SEPTIN11: variants seen among roughly 807,000 people sequenced by gnomAD.
The protein encoded by SEPTIN11 is septin 11.
In SEPTIN11, 25 loss-of-function variants were observed where a neutral mutation model predicts 51.4. The ratio of observed to expected loss-of-function variants is 0.49; its 90% CI spans 0.35 to 0.68. The LOEUF (loss-of-function observed/expected upper bound fraction) is 0.68, where lower values mean the gene tolerates loss of function less well. SEPTIN11 is among the 30% of genes least tolerant of loss of function. The pLI is 0.00. For synonymous variants in SEPTIN11, 174 were observed against 184.1 expected, an observed-to-expected ratio of 0.95 and a Z score of 0.44; for missense variants, 381 against 520.8, an observed-to-expected ratio of 0.73 and a Z score of 2.61.
Position 77,034,477 on chromosome 4 carries a change from TTTTG to T in SEPTIN11, c.1275-16_1275-13del, listed in dbSNP as rs1726892580. On this transcript the variant is annotated splice_polypyrimidine_tract_variant and intron_variant, in intron 9 of 9. Transcript: ENST00000264893. ...TTTATTATTATTTCTAACTTTTTTG[TTTTG>T]TTTTTTAACTTGCAGTGCAAGCTTC... 6.6e-7 allele frequency: 1 copy of T among 1,524,434 alleles called. No individual in the cohort carries two copies. The highest frequency in any genetic ancestry group is 2.2e-5 in the Admixed American group (1 of 44,932). 94.4% of individuals were successfully genotyped at this position (1,524,434 alleles called of 1,614,324 possible). A position where few individuals can be genotyped will look rare whatever the true frequency, so the allele number is the denominator to read the frequency against.
intron 2 of SEPTIN11, among the ~76,000 whole-genome samples, chr4:77,004,844 TC>T (rs1380486347): frequency 3.3e-5 from 5 of 152,142 alleles, no homozygotes; most frequent in Non-Finnish European, 7.4e-5. Context: ...GTGCCTGTAA[TC>T]CTAGCTTCTC....
chr4:76,987,489 G>A (rs750204101), intron 1 of SEPTIN11, among the ~76,000 whole-genome samples: 2 of 152,140 alleles, frequency 1.3e-5, no homozygotes, highest in East Asian at 3.8e-4. Flanking sequence ...AAAGCATCCC[G>A]ATGCTGGCTT....
chr4:76,995,149 C>T (rs973713862), intron 1 of SEPTIN11, among the ~76,000 whole-genome samples: 8 of 149,242 alleles, frequency 5.4e-5, no homozygotes, highest in South Asian at 2.1e-4. Context: ...TTTGGGAGGC[C>T]GACGCGGGCA....
Position 77,037,704 on chromosome 4 carries a change from A to G in SEPTIN11, c.*3192A>G. The G allele has an allele frequency of 2.0e-6, 2 of 985,872 alleles. No homozygotes were observed. The highest frequency in any genetic ancestry group is 2.4e-6 in the Non-Finnish European group (2 of 829,932). The allele number at this position is 985,872 out of a possible 1,614,324, so 61.1% of individuals were successfully genotyped here. A position where few individuals can be genotyped will look rare whatever the true frequency, so the allele number is the denominator to read the frequency against. ...TGCTTCTTCTGAACTTTAGATCTCC[A>G]TAACACATGTACTGTAGAATGTGAT... On this transcript the variant is annotated 3_prime_UTR_variant, in exon 10 of 10. Coordinates refer to ENST00000264893, the MANE Select transcript of SEPTIN11 (RefSeq NM_018243.4).
At chr4:76,995,787 T>A in intron 1 of SEPTIN11, 1 of 1,525,044 alleles carries the variant, frequency 6.6e-7, no homozygotes, top group South Asian at 1.2e-5. Context: ...CTAGTCTACA[T>A]CGGTAAACTC....
Position 77,036,791 on chromosome 4 carries a change from A to G in SEPTIN11, c.*2279A>G. 6.5e-7 allele frequency: 1 copy of G among 1,533,056 alleles called. No individual in the cohort carries two copies. Among genetic ancestry groups the G allele is most frequent in the South Asian group, 1.2e-5 (1 of 83,204 alleles). The allele number at this position is 1,533,056 out of a possible 1,614,324, so 95.0% of individuals were successfully genotyped here. ...ACAGTAGTCCTTGGCTCTGCACGGA[A>G]TAAATGATACCCTCAAATCTAATTG... On this transcript the variant is annotated 3_prime_UTR_variant, in exon 10 of 10. Transcript: ENST00000264893.
intron 1 of SEPTIN11, among the ~76,000 whole-genome samples, chr4:76,975,878 T>A (rs1020368596): frequency 6.6e-6 from 1 of 152,220 alleles, no homozygotes; most frequent in African/African-American, 2.4e-5. Context: ...GTAAGCACTT[T>A]TGTTATTTTG....
At chr4:77,017,737 C>G (rs1329565279) in intron 5 of SEPTIN11, among the ~76,000 whole-genome samples, 1 of 152,218 alleles carries the variant, frequency 6.6e-6, no homozygotes, top group Non-Finnish European at 1.5e-5. Flanking sequence ...TCAAGGAACT[C>G]TAAATAATAA....
chr4:76,983,936 G>A (rs536993066), intron 1 of SEPTIN11, among the ~76,000 whole-genome samples: 1 of 152,186 alleles, frequency 6.6e-6, no homozygotes, highest in Non-Finnish European at 1.5e-5. Flanking sequence ...GAACCCTGGA[G>A]GCGGAGGTTG....
chr4:77,031,245 G>A (rs1013858897), intron 9 of SEPTIN11: 5 of 335,826 alleles, frequency 1.5e-5, no homozygotes, highest in African/African-American at 4.3e-5. Flanking sequence ...AACACTAGGA[G>A]TCTCAAAGAA....
At chr4:76,956,993 T>TGTGAGAGAGA (rs769320568) in intron 1 of SEPTIN11, among the ~76,000 whole-genome samples, 1 of 98,488 alleles carries the variant, frequency 1.0e-5, no homozygotes, top group African/African-American at 3.3e-5. Context: ...TGTGTGTGTG[T>TGTGAGAGAGA]GAGAGAGAGA....
intron 7 of SEPTIN11, among the ~76,000 whole-genome samples, chr4:77,025,459 C>A (rs1167651019): frequency 1.3e-5 from 2 of 151,904 alleles, no homozygotes; most frequent in Non-Finnish European, 2.9e-5. Flanking sequence ...GTGGGAAGAT[C>A]GCTTGAGCCC....
chr4:77,023,269 TACACACACAC>T (rs61693678), intron 7 of SEPTIN11, among the ~76,000 whole-genome samples: 7,095 of 139,220 alleles, frequency 0.051, 468 homozygotes, highest in African/African-American at 0.16. Context: ...GGAAAATGTA[TACACACACAC>T]ACACACACAC....
At chr4:76,987,815 G>C (rs1723124592) in intron 1 of SEPTIN11, 1 of 979,748 alleles carries the variant, frequency 1.0e-6, no homozygotes, top group Admixed American at 6.2e-5. Flanking sequence ...TCAGCTCAGA[G>C]GCGTCTGTAC....
chr4:77,002,602 C>T (rs1306846876), intron 2 of SEPTIN11, among the ~76,000 whole-genome samples: 1 of 152,138 alleles, frequency 6.6e-6, no homozygotes, highest in Non-Finnish European at 1.5e-5. Context: ...CAAGTACCTT[C>T]GGTATTGACT....
downstream of SEPTIN11, chr4:77,039,559 C>G: frequency 1.0e-6 from 1 of 985,306 alleles, no homozygotes; most frequent in South Asian, 4.7e-5. Flanking sequence ...ACAGCCTGAT[C>G]AGGATCCTCA....
At chr4:77,019,436 C>G (rs1415508577) in intron 6 of SEPTIN11, among the ~76,000 whole-genome samples, 175 bp downstream of exon 6, 1 of 152,196 alleles carries the variant, frequency 6.6e-6, no homozygotes, top group African/African-American at 2.4e-5. Flanking sequence ...AAAAAGTAAT[C>G]AGCTAGGTAG....
At chr4:77,028,884 C>T in intron 8 of SEPTIN11, 123 bp downstream of exon 8, 1 of 1,034,930 alleles carries the variant, frequency 9.7e-7, no homozygotes, top group Non-Finnish European at 1.4e-6. Flanking sequence ...CACGAGTGAC[C>T]TGCCAACCTG....
chr4:76,996,877 C>A (rs943877010), intron 2 of SEPTIN11, among the ~76,000 whole-genome samples: 1 of 143,642 alleles, frequency 7.0e-6, no homozygotes, highest in Non-Finnish European at 1.5e-5. Context: ...ACCCCTCTAG[C>A]CATATCTTTT....
Sources: allele counts gnomAD v4.1 joint callset (sites outside exome capture counted in the v4.1 genomes callset), GRCh38; gene constraint gnomAD v4.1.1; transcripts MANE v1.5; gene names NCBI Gene and HGNC (gene_info 2026-07-23, HGNC 2026-07-21).